FHIT: variants seen among roughly 807,000 people sequenced by gnomAD.
FHIT encodes the protein fragile histidine triad diadenosine triphosphatase.
FHIT carries 19 observed loss-of-function variants against 17.9 expected under a neutral mutation model. The observed-to-expected ratio is 1.06, with a 90% CI of 0.74 to 1.56. The LOEUF is 1.56. FHIT is among the 40% of genes most tolerant of loss of function. The probability of loss-of-function intolerance (pLI) is 0.00; values close to 1 mark genes in which losing one functional copy is unlikely to be tolerated. For missense variants in FHIT, 248 were observed against 189.2 expected (o/e 1.31, Z -1.82); for synonymous variants, 81 against 69.7 (o/e 1.16, Z -0.81).
intron 8 of FHIT, among the ~76,000 whole-genome samples, chr3:59,839,933 C>G (rs909235564): frequency 3.3e-5 from 5 of 152,214 alleles, no homozygotes; most frequent in African/African-American, 1.2e-4. Flanking sequence ...TGGCATTAAA[C>G]CTCACTCTTA....
chr3:60,468,189 T>C (rs1390571164), intron 5 of FHIT, among the ~76,000 whole-genome samples: 1 of 152,046 alleles, frequency 6.6e-6, no homozygotes, highest in Non-Finnish European at 1.5e-5. Flanking sequence ...GTCTTTATAT[T>C]ATAGGCGAAG....
At chr3:60,415,266 A>T (rs1047224986) in intron 5 of FHIT, among the ~76,000 whole-genome samples, 2 of 152,166 alleles carry the variant, frequency 1.3e-5, no homozygotes, top group African/African-American at 4.8e-5. Context: ...TTAACAATTT[A>T]AAAAAATAAT....
At chr3:60,084,381 A>G (rs1340078940) in intron 5 of FHIT, among the ~76,000 whole-genome samples, 2 of 152,292 alleles carry the variant, frequency 1.3e-5, no homozygotes, top group African/African-American at 4.8e-5. Context: ...CAGAGGTGCT[A>G]TTGTCAAGCA....
intron 5 of FHIT, among the ~76,000 whole-genome samples, chr3:60,450,746 T>C (rs1490832683): frequency 6.6e-6 from 1 of 152,054 alleles, no homozygotes; most frequent in Non-Finnish European, 1.5e-5. Context: ...TATAGAAAAG[T>C]TGTGTGCAAG....
chr3:60,386,930 T>C (rs1701033576), intron 5 of FHIT, among the ~76,000 whole-genome samples: 1 of 152,114 alleles, frequency 6.6e-6, no homozygotes, highest in Admixed American at 6.5e-5. Context: ...CTGTTAGGGT[T>C]AAAGCTGGGA....
intron 5 of FHIT, among the ~76,000 whole-genome samples, chr3:60,207,207 GA>G (rs892163435): frequency 6.6e-6 from 1 of 151,420 alleles, no homozygotes; most frequent in African/African-American, 2.4e-5. Flanking sequence ...TAAACATCCA[GA>G]AAAAAAGAGG....
intron 2 of FHIT, among the ~76,000 whole-genome samples, chr3:61,145,219 G>A (rs1317751705): frequency 1.3e-5 from 2 of 152,084 alleles, no homozygotes; most frequent in African/African-American, 2.4e-5. Flanking sequence ...TGTGTATGGT[G>A]TGAGGTACAA....
At chr3:59,911,793 A>T (rs780841002) in intron 8 of FHIT, among the ~76,000 whole-genome samples, 1 of 152,210 alleles carries the variant, frequency 6.6e-6, no homozygotes, top group Non-Finnish European at 1.5e-5. Flanking sequence ...AAGGAAAGCC[A>T]CGGACCTGAG....
At chr3:60,321,203 G>A (rs1307936254) in intron 5 of FHIT, among the ~76,000 whole-genome samples, 1 of 152,152 alleles carries the variant, frequency 6.6e-6, no homozygotes, top group Non-Finnish European at 1.5e-5. Flanking sequence ...CAGCAGGCCA[G>A]GTACAGTGGC....
intron 5 of FHIT, among the ~76,000 whole-genome samples, chr3:60,393,386 T>C (rs1195066873): frequency 1.3e-5 from 2 of 150,024 alleles, no homozygotes; most frequent in Non-Finnish European, 3.0e-5. Flanking sequence ...TATATATTTT[T>C]GTAAAATTAT....
intron 3 of FHIT, among the ~76,000 whole-genome samples, chr3:60,914,532 A>G (rs1226361965): frequency 3.9e-5 from 6 of 152,026 alleles, no homozygotes; most frequent in Non-Finnish European, 7.4e-5. Context: ...AAAAGGTCCA[A>G]TGAAATACAC....
intron 5 of FHIT, among the ~76,000 whole-genome samples, chr3:60,060,683 T>C (rs1280985791): frequency 6.6e-6 from 1 of 152,178 alleles, no homozygotes. Flanking sequence ...TACATGGGTG[T>C]CTTAGGCATT....
At chr3:60,319,639 G>A (rs11922717) in intron 5 of FHIT, among the ~76,000 whole-genome samples, 237 of 152,270 alleles carry the variant, frequency 1.6e-3, no homozygotes, top group African/African-American at 4.7e-3. Flanking sequence ...GCACATAGAA[G>A]TCCGTGACCA....
Position 59,752,426 on chromosome 3 carries a change from G to A in FHIT, c.349-105C>T. ...ACTGAACAAAATTTGCAAATTAGAG[G>A]CCAGTAGGTGTATCTTTTAATTGTT... On this transcript the variant is annotated intron_variant, in intron 8 of 9. Transcript: ENST00000492590. 6.1e-6 allele frequency: 4 copies of A among 651,152 alleles called. No individual in the cohort carries two copies. The South Asian group carries it at 7.3e-5, about 12-fold the overall frequency. 40.3% of individuals were successfully genotyped at this position (651,152 alleles called of 1,614,324 possible). A position where few individuals can be genotyped will look rare whatever the true frequency, so the allele number is the denominator to read the frequency against.
At chr3:60,285,859 A>G (rs1183724704) in intron 5 of FHIT, among the ~76,000 whole-genome samples, 1 of 152,186 alleles carries the variant, frequency 6.6e-6, no homozygotes, top group Non-Finnish European at 1.5e-5. Context: ...TGGGATATCC[A>G]TCACCTTAAA....
intron 2 of FHIT, among the ~76,000 whole-genome samples, chr3:61,142,263 A>G (rs13087102): frequency 0.25 from 38,226 of 151,226 alleles, 5,810 homozygotes; most frequent in East Asian, 0.45. Flanking sequence ...CTTTTCTCCC[A>G]GGGACTAAAA....
At chr3:60,679,503 C>A (rs555443271) in intron 4 of FHIT, among the ~76,000 whole-genome samples, 2 of 152,096 alleles carry the variant, frequency 1.3e-5, no homozygotes, top group South Asian at 4.1e-4. Flanking sequence ...AAACCAAATT[C>A]GGATTACATA....
At chr3:59,980,068 G>A (rs1420522766) in intron 7 of FHIT, among the ~76,000 whole-genome samples, 2 of 152,100 alleles carry the variant, frequency 1.3e-5, no homozygotes, top group Non-Finnish European at 2.9e-5. Flanking sequence ...TTTCCCCAGT[G>A]AAAAGATATT....
intron 2 of FHIT, among the ~76,000 whole-genome samples, chr3:61,128,518 G>A (rs554408277): frequency 1.3e-5 from 2 of 152,120 alleles, no homozygotes; most frequent in East Asian, 1.9e-4. Context: ...ATGCGCTTCC[G>A]TCAGCTACAC....
Sources: gnomAD v4.1 joint callset for allele counts (sites outside exome capture counted in the v4.1 genomes callset) on GRCh38, gnomAD v4.1.1 for gene constraint, MANE v1.5 for transcripts, NCBI Gene and HGNC (gene_info 2026-07-23, HGNC 2026-07-21) for gene names.